The following HDGFL3 variants were observed in gnomAD, a reference collection of about 807,000 sequenced individuals.
HDGFL3 encodes the protein hepatoma-derived growth factor-related protein 3.
HDGFL3 carries 6 observed loss-of-function variants against 27.6 expected under a neutral mutation model. That is an observed-to-expected ratio of 0.22 (90% CI 0.12 to 0.43). The LOEUF is 0.43. HDGFL3 is among the 20% of genes least tolerant of loss of function. The pLI is 1.00. For synonymous variants in HDGFL3, 88 were observed against 88.9 expected (o/e 0.99, Z 0.05); for missense variants, 207 against 250.1 (o/e 0.83, Z 1.16).
intron 1 of HDGFL3, among the ~76,000 whole-genome samples, chr15:83,175,243 T>C (rs1475296252): frequency 6.6e-6 from 1 of 152,246 alleles, no homozygotes; most frequent in African/African-American, 2.4e-5. Context: ...GAACAAATAT[T>C]GTAAAAAACA....
chr15:83,162,430 A>G (rs1444474084), intron 2 of HDGFL3, among the ~76,000 whole-genome samples: 3 of 152,184 alleles, frequency 2.0e-5, no homozygotes, highest in South Asian at 2.1e-4. Flanking sequence ...TCATTTGGAG[A>G]TGGGTTCTAA....
At chr15:83,152,152 G>T (rs913598428) in intron 4 of HDGFL3, among the ~76,000 whole-genome samples, 1 of 152,228 alleles carries the variant, frequency 6.6e-6, no homozygotes, top group Non-Finnish European at 1.5e-5. Flanking sequence ...CACGTTGCAA[G>T]TAAGAGGTAA....
At chr15:83,185,471 C>G (rs908789853) in intron 1 of HDGFL3, among the ~76,000 whole-genome samples, 3 of 152,200 alleles carry the variant, frequency 2.0e-5, no homozygotes, top group African/African-American at 4.8e-5. Context: ...TTGGCTTGCA[C>G]TCTCAGAGTT....
downstream of HDGFL3, among the ~76,000 whole-genome samples, chr15:83,123,032 AT>A (rs1018216712): frequency 2.6e-5 from 4 of 152,220 alleles, no homozygotes; most frequent in African/African-American, 7.2e-5. Context: ...TAGCTTACGT[AT>A]TAATTAATGT....
Position 83,138,981 on chromosome 15 carries a change from C to A in HDGFL3, c.*289G>T. ...ATCATAACTGCCTTGATAAAAGGATCCTAGACATGTATAAGTCTGCGCAAA... is the reference window on the plus strand; with the variant it reads ...ATCATAACTGCCTTGATAAAAGGATACTAGACATGTATAAGTCTGCGCAAA... On this transcript the variant is annotated 3_prime_UTR_variant, in exon 6 of 6. Coordinates refer to ENST00000299633, the MANE Select transcript of HDGFL3 (RefSeq NM_016073.4). 2 of 247,084 alleles carry A rather than the reference C, an allele frequency of 8.1e-6. No homozygotes were observed. The highest frequency in any genetic ancestry group is 1.5e-5 in the Non-Finnish European group (2 of 129,510). The allele number at this position is 247,084 out of a possible 1,614,324, so 15.3% of individuals were successfully genotyped here.
chr15:83,177,521 A>T (rs765671347), intron 1 of HDGFL3, among the ~76,000 whole-genome samples: 6 of 152,240 alleles, frequency 3.9e-5, no homozygotes, highest in Non-Finnish European at 7.3e-5. Flanking sequence ...ACACACTTTT[A>T]AAAAATTTCA....
chr15:83,182,569 C>A (rs557979046), intron 1 of HDGFL3, among the ~76,000 whole-genome samples: 1 of 152,076 alleles, frequency 6.6e-6, no homozygotes, highest in South Asian at 2.1e-4. Flanking sequence ...TTGGATGATT[C>A]CACTTATATT....
intron 1 of HDGFL3, among the ~76,000 whole-genome samples, chr15:83,173,272 A>G (rs551859902): frequency 6.6e-6 from 1 of 152,230 alleles, no homozygotes; most frequent in Non-Finnish European, 1.5e-5. Flanking sequence ...CTTTCAGCAC[A>G]GAATTATTCA....
chr15:83,183,539 T>G (rs1434631431), intron 1 of HDGFL3, among the ~76,000 whole-genome samples: 1 of 152,046 alleles, frequency 6.6e-6, no homozygotes, highest in Admixed American at 6.6e-5. Context: ...GGCAGGCAGA[T>G]CACTAGAGGT....
At chr15:83,155,403 C>T (rs748094387) in intron 4 of HDGFL3, among the ~76,000 whole-genome samples, 3 of 152,144 alleles carry the variant, frequency 2.0e-5, no homozygotes, top group Non-Finnish European at 4.4e-5. Flanking sequence ...CATTAGGTAG[C>T]TTAGATAATT....
At chr15:83,140,135 T>C (rs749041129) in intron 5 of HDGFL3, among the ~76,000 whole-genome samples, 2 of 152,322 alleles carry the variant, frequency 1.3e-5, no homozygotes, top group African/African-American at 4.8e-5. Flanking sequence ...CTGATGGGTA[T>C]GTTCTCATTC....
intron 4 of HDGFL3, among the ~76,000 whole-genome samples, chr15:83,151,659 T>C (rs2036965641): frequency 6.6e-6 from 1 of 152,176 alleles, no homozygotes; most frequent in African/African-American, 2.4e-5. Flanking sequence ...CCTAGAACAC[T>C]GTCAATGAAT....
intron 2 of HDGFL3, among the ~76,000 whole-genome samples, chr15:83,158,639 T>C (rs1250017122): frequency 6.6e-6 from 1 of 152,098 alleles, no homozygotes; most frequent in Non-Finnish European, 1.5e-5. Context: ...ACATGAATCA[T>C]CCCTTTGTCC....
intron 3 of HDGFL3, chr15:83,119,860 T>G: frequency 1.1e-6 from 1 of 890,064 alleles, no homozygotes; most frequent in Non-Finnish European, 1.6e-6. Flanking sequence ...TTTGAATATG[T>G]CCTTCTGAAT....
intron 1 of HDGFL3, among the ~76,000 whole-genome samples, chr15:83,201,443 A>C (rs1316401402): frequency 6.6e-6 from 1 of 152,172 alleles, no homozygotes; most frequent in Non-Finnish European, 1.5e-5. Context: ...TGGATGAATA[A>C]CTACATCAAG....
chr15:83,201,326 T>TTA (rs935146627), intron 1 of HDGFL3, among the ~76,000 whole-genome samples: 4 of 152,194 alleles, frequency 2.6e-5, no homozygotes, highest in African/African-American at 9.6e-5. Flanking sequence ...GCTCTAAAAA[T>TTA]TTCTAAACTC....
intron 1 of HDGFL3, among the ~76,000 whole-genome samples, chr15:83,194,027 C>T (rs929792935): frequency 6.6e-6 from 1 of 152,288 alleles, no homozygotes; most frequent in South Asian, 2.1e-4. Context: ...TGGGGGCTCA[C>T]CTGTCCTGCA....
At chr15:83,159,821 T>C (rs1459891670) in intron 2 of HDGFL3, among the ~76,000 whole-genome samples, 3 of 152,156 alleles carry the variant, frequency 2.0e-5, no homozygotes, top group Non-Finnish European at 2.9e-5. Flanking sequence ...GAAGGACGAC[T>C]GGTGTGAGAC....
chr15:83,203,230 G>A (rs1001468828), intron 1 of HDGFL3, among the ~76,000 whole-genome samples: 1 of 152,038 alleles, frequency 6.6e-6, no homozygotes. Flanking sequence ...CATAAGCAGA[G>A]TGCTCACATC....
Sources: gnomAD v4.1 joint callset for allele counts (sites outside exome capture counted in the v4.1 genomes callset) on GRCh38, gnomAD v4.1.1 for gene constraint, MANE v1.5 for transcripts, NCBI Gene and HGNC (gene_info 2026-07-23, HGNC 2026-07-21) for gene names.